Variants in KCNN2 observed in about 807,000 individuals in gnomAD.
KCNN2 encodes the protein small conductance calcium-activated potassium channel protein 2.
In KCNN2, 24 loss-of-function variants were observed where a neutral mutation model predicts 55.5. The observed-to-expected ratio is 0.43, with a 90% CI of 0.31 to 0.61. The LOEUF (loss-of-function observed/expected upper bound fraction) is 0.61. Among genes scored for constraint, KCNN2 ranks in the 20% least tolerant of loss-of-function variants. KCNN2 has a pLI of 0.08. For missense variants in KCNN2, 754 were observed against 853.6 expected (o/e 0.88, Z 1.45); for synonymous variants, 431 against 336.1 (o/e 1.28, Z -3.09).
intron 1 of KCNN2, among the ~76,000 whole-genome samples, chr5:114,063,103 G>C (rs1388448856): frequency 6.6e-6 from 1 of 152,164 alleles, no homozygotes; most frequent in East Asian, 1.9e-4. Context: ...TCCTGAAAGA[G>C]ACAGGCCTTA....
rs1188226095 is a variant in KCNN2 at position 114,198,482 on chromosome 5, A to ACACACG, written c.-270-22994_-270-22993insCGCACA. Reference sequence around the variant, plus strand: ...TACATATACACACACACACACACACACACATTTTCTTTATTCAGTCCTCCT... The same window carrying ACACACG: ...TACATATACACACACACACACACACACACACGCACATTTTCTTTATTCAGTCCTCCT... On this transcript the variant is annotated intron_variant, in intron 1 of 10. Transcript: ENST00000512097. Among the ~76,000 whole-genome samples the ACACACG allele has an allele frequency of 2.9e-3, 433 of 151,176 alleles. 3 individuals carry two copies. The highest frequency in any genetic ancestry group is 0.01 in the African/African-American group (415 of 41,242).
At chr5:114,182,585 G>A (rs182783841) in intron 1 of KCNN2, among the ~76,000 whole-genome samples, 5 of 151,992 alleles carry the variant, frequency 3.3e-5, no homozygotes, top group Admixed American at 2.6e-4. Flanking sequence ...GAGGATTTTT[G>A]TGATCTCTCC....
chr5:114,066,691 T>C (rs1476862342), intron 1 of KCNN2, among the ~76,000 whole-genome samples: 2 of 152,204 alleles, frequency 1.3e-5, no homozygotes, highest in Non-Finnish European at 2.9e-5. Flanking sequence ...GCGATCCTGC[T>C]GCCTCAGCCT....
At chr5:114,079,655 T>C (rs1750761124) in intron 1 of KCNN2, among the ~76,000 whole-genome samples, 1 of 152,128 alleles carries the variant, frequency 6.6e-6, no homozygotes, top group South Asian at 2.1e-4. Flanking sequence ...TGAAGACAAA[T>C]GTCAGATTTG....
chr5:114,360,932 G>A (rs1372866916), upstream of KCNN2: 2 of 153,084 alleles, frequency 1.3e-5, no homozygotes, highest in East Asian at 3.9e-4. Flanking sequence ...TTTGCTTTGT[G>A]TCTGCGCTGC....
At chr5:114,058,673 T>C (rs1392025600) in intron 1 of KCNN2, among the ~76,000 whole-genome samples, 1 of 152,120 alleles carries the variant, frequency 6.6e-6, no homozygotes, top group Non-Finnish European at 1.5e-5. Flanking sequence ...AAAAGCAGCC[T>C]AGAGTGACGC....
chr5:114,292,104 T>G (rs1313801022), intron 2 of KCNN2, among the ~76,000 whole-genome samples: 9 of 152,240 alleles, frequency 5.9e-5, no homozygotes, highest in Non-Finnish European at 8.8e-5. Context: ...CTTTGTCAGA[T>G]GAGTAGATTG....
At chr5:114,157,573 A>G (rs919439428) in intron 1 of KCNN2, among the ~76,000 whole-genome samples, 5 of 152,206 alleles carry the variant, frequency 3.3e-5, no homozygotes, top group African/African-American at 1.2e-4. Flanking sequence ...TCCCTGAGGA[A>G]TTGCCACACT....
chr5:114,158,396 G>C (rs1343002915), intron 1 of KCNN2, among the ~76,000 whole-genome samples: 2 of 152,170 alleles, frequency 1.3e-5, no homozygotes, highest in East Asian at 3.9e-4. Flanking sequence ...TGCTCTTTTG[G>C]TTACTGTAGC....
intron 2 of KCNN2, among the ~76,000 whole-genome samples, chr5:114,341,121 G>T (rs1466076774): frequency 6.6e-6 from 1 of 152,084 alleles, no homozygotes; most frequent in African/African-American, 2.4e-5. Context: ...CTGTATTGTG[G>T]CTGTTATGAA....
intron 2 of KCNN2, among the ~76,000 whole-genome samples, chr5:114,386,837 C>G (rs577918364): frequency 1.3e-5 from 2 of 152,162 alleles, no homozygotes; most frequent in Non-Finnish European, 2.9e-5. Flanking sequence ...TTTACTATCC[C>G]GCATTTATCA....
At chr5:114,400,611 T>G (rs906214256) in intron 2 of KCNN2, among the ~76,000 whole-genome samples, 3 of 152,218 alleles carry the variant, frequency 2.0e-5, no homozygotes, top group Non-Finnish European at 4.4e-5. Context: ...TCCCAGTTAG[T>G]CTCTTCAAAC....
intron 1 of KCNN2, among the ~76,000 whole-genome samples, chr5:114,151,686 T>G (rs185595278): frequency 6.6e-6 from 1 of 152,284 alleles, no homozygotes; most frequent in East Asian, 1.9e-4. Context: ...AGAGCTTTTC[T>G]AGAGTCACCA....
chr5:114,404,942 G>T, intron 3 of KCNN2, 86 bp downstream of exon 3: 1 of 1,177,476 alleles, frequency 8.5e-7, no homozygotes, highest in Non-Finnish European at 1.2e-6. Flanking sequence ...CTTGAGACGT[G>T]TAGTGTCTCA....
At chr5:114,270,532 G>T (rs1755306102) in intron 2 of KCNN2, among the ~76,000 whole-genome samples, 1 of 152,120 alleles carries the variant, frequency 6.6e-6, no homozygotes, top group African/African-American at 2.4e-5. Context: ...CAATACTCTT[G>T]AAACCACTAC....
At chr5:114,329,203 C>T (rs1301374336) in intron 2 of KCNN2, among the ~76,000 whole-genome samples, 1 of 152,190 alleles carries the variant, frequency 6.6e-6, no homozygotes, top group African/African-American at 2.4e-5. Context: ...CAGCTCCCAG[C>T]CCCTTGCCAA....
chr5:114,215,377 G>C (rs1753981281), intron 1 of KCNN2, among the ~76,000 whole-genome samples: 1 of 152,066 alleles, frequency 6.6e-6, no homozygotes, highest in Non-Finnish European at 1.5e-5. Context: ...GAAACCAGTA[G>C]CTAGATAAAG....
intron 2 of KCNN2, among the ~76,000 whole-genome samples, chr5:114,305,447 G>C (rs1261988400): frequency 6.6e-6 from 1 of 152,118 alleles, no homozygotes; most frequent in Non-Finnish European, 1.5e-5. Flanking sequence ...TCTGTGTTGG[G>C]GTACCAAGAG....
chr5:114,405,166 T>C (rs1388801240), intron 3 of KCNN2, among the ~76,000 whole-genome samples: 3 of 152,226 alleles, frequency 2.0e-5, no homozygotes, highest in African/African-American at 7.2e-5. Context: ...GTGAGTTTAA[T>C]GGTAATATTG....
Sources: gnomAD v4.1 joint callset for allele counts (sites outside exome capture counted in the v4.1 genomes callset) on GRCh38, gnomAD v4.1.1 for gene constraint, MANE v1.5 for transcripts, NCBI Gene and HGNC (gene_info 2026-07-23, HGNC 2026-07-21) for gene names.